Variants in DOCK2 observed in about 807,000 individuals in gnomAD.
DOCK2 encodes the protein dedicator of cytokinesis 2, also known as dedicator of cytokinesis protein 2.
DOCK2 carries 87 observed loss-of-function variants against 248.9 expected under a neutral mutation model. The ratio of observed to expected loss-of-function variants is 0.35; its 90% CI spans 0.29 to 0.42. The LOEUF is 0.42. DOCK2 is among the 10% of genes least tolerant of loss of function. DOCK2 has a pLI of 1.00. For synonymous variants in DOCK2, 805 were observed against 821.6 expected (o/e 0.98, Z 0.35); for missense variants, 1,747 against 2,300.2 (o/e 0.76, Z 4.92).
intron 27 of DOCK2, among the ~76,000 whole-genome samples, chr5:169,917,554 TA>T (rs1179047032): frequency 1.3e-5 from 2 of 152,152 alleles, no homozygotes; most frequent in African/African-American, 4.8e-5. Flanking sequence ...AAGAGAAGTG[TA>T]GGATAAAATG....
rs1458662628 is a variant in DOCK2 at position 169,782,928 on chromosome 5, C to CA, written c.2555-20124dup. Among the ~76,000 whole-genome samples the CA allele has an allele frequency of 4.6e-5, 7 of 152,256 alleles. No individual in the cohort carries two copies. The South Asian group carries it at 6.2e-4, about 14-fold the overall frequency. Reference sequence around the variant, plus strand: ...AATGTTTAGAACAGGTTTTCCAATTCAAAAAATGTTTATTGATTCTCTGGC... The same window carrying CA: ...AATGTTTAGAACAGGTTTTCCAATTCAAAAAAATGTTTATTGATTCTCTGGC... On this transcript the variant is annotated intron_variant, in intron 25 of 51. Transcript: ENST00000520908.
chr5:169,975,355 A>G (rs73327852), intron 27 of DOCK2, among the ~76,000 whole-genome samples: 2 of 152,196 alleles, frequency 1.3e-5, no homozygotes, highest in African/African-American at 4.8e-5. Context: ...CATGTTTCTC[A>G]AAGTCCAAAT....
At chr5:170,067,442 C>T (rs1044632869) in intron 44 of DOCK2, 68 bp from the exon 45 acceptor site, 39 of 1,504,046 alleles carry the variant, frequency 2.6e-5, no homozygotes, top group Non-Finnish European at 3.5e-5. Flanking sequence ...GAAATCAATA[C>T]CAATAATATC....
intron 27 of DOCK2, among the ~76,000 whole-genome samples, chr5:169,853,825 T>A (rs1770743135): frequency 2.3e-5 from 2 of 86,160 alleles, no homozygotes; most frequent in Non-Finnish European, 4.9e-5. Context: ...TTTTTTTTTT[T>A]TTTTTTTTTT....
intron 22 of DOCK2, among the ~76,000 whole-genome samples, chr5:169,722,656 G>T (rs1762275434): frequency 1.3e-5 from 2 of 152,302 alleles, no homozygotes; most frequent in South Asian, 2.1e-4. Context: ...GATGAAATGA[G>T]ATTATGGGTA....
At position 169,699,439 on chromosome 5, in the gene DOCK2, G is replaced by A. The variant is rs1250453811; in HGVS notation, c.1113G>A (p.Lys371=). The part of the protein sequence containing the change: ...HSLLGKVIAS[K]GDSGGQGLWV... ...TGCTGGGCAAAGTCATAGCCTCCAAGGGGGACAGTGGAGGGCAAGGTAAAG... is the reference window on the plus strand; with the variant it reads ...TGCTGGGCAAAGTCATAGCCTCCAAAGGGGACAGTGGAGGGCAAGGTAAAG... Residue 371 remains lysine, a synonymous_variant, in exon 12 of 52, where the codon AAG becomes AAA. Coordinates refer to ENST00000520908, the MANE Select transcript of DOCK2 (RefSeq NM_004946.3). 1.7e-5 allele frequency: 27 copies of A among 1,613,070 alleles called. No individual in the cohort carries two copies. Among genetic ancestry groups the A allele is most frequent in the Non-Finnish European group, 2.3e-5 (27 of 1,179,468 alleles).
Position 169,718,741 on chromosome 5 carries a change from T to C in DOCK2, c.2217T>C (p.Ala739=), listed in dbSNP as rs1762033778. ...AGCCAATCCTAAGAACGCTGAAGGC[T>C]TTGGAATATGTGTTCAAGTTCATTG... is the stretch of plus-strand genomic sequence containing the variant. ...QCEPILRTLK[A]LEYVFKFIVR... Residue 739 remains alanine (A), a synonymous_variant, in exon 22 of 52, where the codon GCT becomes GCC. Transcript: ENST00000520908. 1 of 1,613,936 alleles carries C rather than the reference T, an allele frequency of 6.2e-7. No homozygotes were observed.
At chr5:169,855,781 G>A (rs941917303) in intron 27 of DOCK2, among the ~76,000 whole-genome samples, 9 of 152,196 alleles carry the variant, frequency 5.9e-5, no homozygotes, top group African/African-American at 2.2e-4. Flanking sequence ...TTAACGTATG[G>A]TGGGAAAAGG....
intron 22 of DOCK2, among the ~76,000 whole-genome samples, chr5:169,720,774 C>T (rs1028684481): frequency 3.9e-5 from 6 of 152,250 alleles, no homozygotes; most frequent in East Asian, 1.9e-4. Context: ...GGCGCAATCA[C>T]GGCTAGAGGG....
At chr5:169,814,043 G>A (rs770565146) in intron 26 of DOCK2, among the ~76,000 whole-genome samples, 16 of 152,156 alleles carry the variant, frequency 1.1e-4, no homozygotes, top group Non-Finnish European at 1.9e-4. Context: ...AAGAACCATC[G>A]ATGGTTACTA....
Position 169,712,229 on chromosome 5 carries a change from A to G in DOCK2, c.1659+6A>G, listed in dbSNP as rs757874760. On this transcript the variant is annotated splice_donor_region_variant and intron_variant, in intron 17 of 51. Transcript: ENST00000520908. ...ATGACTTAGTTGTCCTCAAGGTACC[A>G]TGAGTTGGAAGGAGCTCTGCACTGA... The G allele has an allele frequency of 5.2e-5, 84 of 1,613,508 alleles. No homozygotes were observed. The highest frequency in any genetic ancestry group is 7.0e-5 in the Non-Finnish European group (83 of 1,179,580).
intron 39 of DOCK2, among the ~76,000 whole-genome samples, chr5:170,046,169 C>A (rs1478671514): frequency 6.6e-6 from 1 of 152,236 alleles, no homozygotes; most frequent in Non-Finnish European, 1.5e-5. Flanking sequence ...GCAACTGCCA[C>A]CGCTGCTGCA....
At chr5:169,965,937 A>G (rs1420847938) in intron 27 of DOCK2, among the ~76,000 whole-genome samples, 5 of 152,182 alleles carry the variant, frequency 3.3e-5, no homozygotes, top group Admixed American at 3.3e-4. Flanking sequence ...TATCCACTGG[A>G]AAAAGGCTTC....
Position 169,883,908 on chromosome 5 carries a change from G to A in DOCK2, c.2799+43056G>A. On this transcript the variant is annotated intron_variant, in intron 27 of 51. Coordinates refer to ENST00000520908, the MANE Select transcript of DOCK2 (RefSeq NM_004946.3). ...TATTTTGCTGGGCCATTGAGCCTCA[G>A]TGGGAAGGATCAGGACCATACACTT... The A allele has an allele frequency of 2.0e-6, 3 of 1,494,126 alleles. No individual in the cohort carries two copies. In the East Asian group the frequency reaches 7.4e-5, roughly 37 times the overall value. The allele number at this position is 1,494,126 out of a possible 1,614,324, so 92.6% of individuals were successfully genotyped here.
chr5:169,964,575 C>T (rs1290963442), intron 27 of DOCK2, among the ~76,000 whole-genome samples: 3 of 152,208 alleles, frequency 2.0e-5, no homozygotes, highest in African/African-American at 7.2e-5. Flanking sequence ...TGCCACTTTT[C>T]TCAGTGCCCA....
intron 25 of DOCK2, among the ~76,000 whole-genome samples, chr5:169,780,295 A>ATGTGTGTGTGTGTG (rs3138738): frequency 2.2e-5 from 3 of 137,692 alleles, no homozygotes; most frequent in African/African-American, 8.2e-5. Context: ...AACCCAATAA[A>ATGTGTGTGTGTGTG]TGTGTGTGTG....
intron 11 of DOCK2, 35 bp downstream of exon 11, chr5:169,698,484 A>G (rs753036050): frequency 2.3e-5 from 37 of 1,608,980 alleles, no homozygotes; most frequent in South Asian, 3.3e-5. Context: ...ATTCTCTTCA[A>G]CCACACCCTT....
intron 1 of DOCK2, among the ~76,000 whole-genome samples, chr5:169,647,761 TC>T (rs1164791116): frequency 6.6e-6 from 1 of 152,066 alleles, no homozygotes; most frequent in Admixed American, 6.6e-5. Context: ...TCCCTCTCCC[TC>T]CAGTCTCACT....
intron 2 of DOCK2, among the ~76,000 whole-genome samples, chr5:169,663,489 C>T (rs533603433): frequency 5.4e-4 from 82 of 152,348 alleles, no homozygotes; most frequent in Non-Finnish European, 9.3e-4. Flanking sequence ...TAGAGGTTAT[C>T]CATGAAGATT....
Sources: allele counts gnomAD v4.1 joint callset (sites outside exome capture counted in the v4.1 genomes callset), GRCh38; gene constraint gnomAD v4.1.1; transcripts MANE v1.5; gene names NCBI Gene and HGNC (gene_info 2026-07-23, HGNC 2026-07-21).